CCBE1: variants seen among roughly 807,000 people sequenced by gnomAD.
The protein encoded by CCBE1 is collagen and calcium-binding EGF domain-containing protein 1.
CCBE1 carries 37 observed loss-of-function variants against 50.0 expected under a neutral mutation model. That is an observed-to-expected ratio of 0.74 (90% CI 0.57 to 0.97). The LOEUF (loss-of-function observed/expected upper bound fraction) is 0.97. Ranked by LOEUF, CCBE1 falls within the 50% of genes least tolerant of loss-of-function variation. The pLI is 0.00. For synonymous variants in CCBE1, 234 were observed against 203.7 expected (o/e 1.15, Z -1.27); for missense variants, 538 against 523.8 (o/e 1.03, Z -0.26).
chr18:59,493,138 G>T (rs67471437), intron 2 of CCBE1, among the ~76,000 whole-genome samples: 3,269 of 152,332 alleles, frequency 0.021, 138 homozygotes, highest in East Asian at 0.2. Context: ...TAATGGGACA[G>T]TCTTAAAGGA....
chr18:59,613,483 C>T (rs2851839), intron 2 of CCBE1, among the ~76,000 whole-genome samples: 30,291 of 152,102 alleles, frequency 0.2, 5,058 homozygotes, highest in African/African-American at 0.46. Context: ...AAGCAAATTT[C>T]AAACAATTAT....
At position 59,625,158 on chromosome 18, in the gene CCBE1, G is replaced by T. The variant is rs908155773; in HGVS notation, c.212+71471C>A. Among the ~76,000 whole-genome samples, 41 of 152,190 alleles carry T rather than the reference G, an allele frequency of 2.7e-4. 1 individual carries two copies. The highest frequency in any genetic ancestry group is 2.9e-4 in the Non-Finnish European group (20 of 68,050). Reference sequence around the variant, plus strand: ...TAAAAATTGTAGCCATAGGCCGGGCGTGGTGGCTCCCACCTGTAATCCCAG... The same window carrying T: ...TAAAAATTGTAGCCATAGGCCGGGCTTGGTGGCTCCCACCTGTAATCCCAG... On this transcript the variant is annotated intron_variant, in intron 2 of 10. Transcript: ENST00000439986.
intron 2 of CCBE1, among the ~76,000 whole-genome samples, chr18:59,539,403 C>T (rs1915382031): frequency 6.6e-6 from 1 of 152,108 alleles, no homozygotes; most frequent in South Asian, 2.1e-4. Flanking sequence ...TGAATCCTGC[C>T]AATAACCATA....
At chr18:59,648,158 G>C (rs561680329) in intron 2 of CCBE1, among the ~76,000 whole-genome samples, 8 of 152,378 alleles carry the variant, frequency 5.3e-5, no homozygotes, top group African/African-American at 1.9e-4. Context: ...AATAAGAATA[G>C]CTTGCTGAGC....
At chr18:59,512,995 A>T (rs1464028817) in intron 2 of CCBE1, among the ~76,000 whole-genome samples, 1 of 152,204 alleles carries the variant, frequency 6.6e-6, no homozygotes, top group Non-Finnish European at 1.5e-5. Flanking sequence ...TTCTTAAAGC[A>T]GAGGGTGAGG....
At chr18:59,597,283 T>G (rs1431022166) in intron 2 of CCBE1, among the ~76,000 whole-genome samples, 2 of 152,218 alleles carry the variant, frequency 1.3e-5, no homozygotes, top group Non-Finnish European at 2.9e-5. Context: ...AAAAAGCACT[T>G]TGAATGCCTG....
intron 2 of CCBE1, among the ~76,000 whole-genome samples, chr18:59,504,384 CTTTTT>C (rs10551471): frequency 2.1e-5 from 3 of 143,116 alleles, no homozygotes; most frequent in Non-Finnish European, 3.0e-5. Flanking sequence ...GAATGTCTTC[CTTTTT>C]TTTTTTTTTT....
At chr18:59,498,876 C>T (rs148833388) in intron 2 of CCBE1, among the ~76,000 whole-genome samples, 2,964 of 152,292 alleles carry the variant, frequency 0.019, 87 homozygotes, top group African/African-American at 0.066. Flanking sequence ...ACCCACCTCC[C>T]TCAGATCTTT....
At chr18:59,658,349 AAAAAAATAT>A (rs2054225006) in intron 2 of CCBE1, among the ~76,000 whole-genome samples, 1 of 27,098 alleles carries the variant, frequency 3.7e-5, no homozygotes, top group Non-Finnish European at 6.1e-5. Flanking sequence ...AAAAAAAAAA[AAAAAAATAT>A]ATATATATAT....
In CCBE1 at chr18:59,435,701, A is replaced by T; in HGVS notation, c.*207T>A. The T allele has an allele frequency of 1.6e-6, 1 of 621,034 alleles. No individual in the cohort carries two copies. The highest frequency in any genetic ancestry group is 2.9e-6 in the Non-Finnish European group (1 of 349,490). The allele number at this position is 621,034 out of a possible 1,614,324, so 38.5% of individuals were successfully genotyped here. A position where few individuals can be genotyped will look rare whatever the true frequency, so the allele number is the denominator to read the frequency against. On this transcript the variant is annotated 3_prime_UTR_variant, in exon 11 of 11. Transcript: ENST00000439986. ...CTCTTAGTGAGAAGCAGGTAAATCA[A>T]TCATTCACTCCCTCATGTCTGCAGG... is the stretch of plus-strand genomic sequence containing the variant.
Position 59,432,689 on chromosome 18 carries a change from C to T in CCBE1, c.*3219G>A, listed in dbSNP as rs185694167. On this transcript the variant is annotated 3_prime_UTR_variant, in exon 11 of 11. Coordinates refer to ENST00000439986, the MANE Select transcript of CCBE1 (RefSeq NM_133459.4). ...TCCAGCAGATTGACATTATAAAATA[C>T]AGGTTACCATAAGTTTTGCTGGAGA... is the stretch of plus-strand genomic sequence containing the variant. 3 of 152,254 alleles carry T rather than the reference C, an allele frequency of 2.0e-5. No homozygotes were observed. The highest frequency in any genetic ancestry group is 2.0e-4 in the Admixed American group (3 of 15,300). The allele number at this position is 152,254 out of a possible 1,614,324, so 9.4% of individuals were successfully genotyped here.
Position 59,595,465 on chromosome 18 carries a change from A to G in CCBE1, c.212+101164T>C, listed in dbSNP as rs199701261. Among the ~76,000 whole-genome samples, 45 of 152,314 alleles carry G rather than the reference A, an allele frequency of 3.0e-4. No individual in the cohort carries two copies. In the East Asian group the frequency reaches 7.9e-3, roughly 27 times the overall value. On this transcript the variant is annotated intron_variant, in intron 2 of 10. Transcript: ENST00000439986. ...TCCCTATCAAGATTAACTATAATAA[A>G]TCCAAGAAAACTGCTTGGTACTGAG...
intron 2 of CCBE1, among the ~76,000 whole-genome samples, chr18:59,600,713 C>G (rs2053416914): frequency 6.6e-6 from 1 of 152,192 alleles, no homozygotes; most frequent in Non-Finnish European, 1.5e-5. Flanking sequence ...TCCCCATCTC[C>G]TCCTGCCCAC....
chr18:59,563,692 G>A (rs754922241), intron 2 of CCBE1: 7 of 152,172 alleles, frequency 4.6e-5, no homozygotes, highest in Non-Finnish European at 1.0e-4. Flanking sequence ...ATGCCACTGA[G>A]GTCATAAAAG....
At chr18:59,619,618 A>G (rs935383855) in intron 2 of CCBE1, among the ~76,000 whole-genome samples, 1 of 152,204 alleles carries the variant, frequency 6.6e-6, no homozygotes, top group Non-Finnish European at 1.5e-5. Context: ...AACTGTACTC[A>G]TTTTAGCCAA....
At chr18:59,589,790 C>CAAAAAAAAAAA (rs752546235) in intron 2 of CCBE1, among the ~76,000 whole-genome samples, 3 of 73,104 alleles carry the variant, frequency 4.1e-5, no homozygotes, top group East Asian at 3.5e-4. Context: ...GACTCCATCT[C>CAAAAAAAAAAA]AAAAAAAAAA....
intron 2 of CCBE1, among the ~76,000 whole-genome samples, chr18:59,508,183 G>T (rs1598962923): frequency 6.6e-6 from 1 of 151,754 alleles, no homozygotes; most frequent in Non-Finnish European, 1.5e-5. Flanking sequence ...GAGCCACTGC[G>T]CCCCGCCGTT....
chr18:59,481,107 G>T (rs1412643905), intron 2 of CCBE1, among the ~76,000 whole-genome samples: 1 of 152,092 alleles, frequency 6.6e-6, no homozygotes, highest in Non-Finnish European at 1.5e-5. Flanking sequence ...TACCTGCAAT[G>T]AACAAAACAG....
rs1345086344 is a variant in CCBE1, at chr18:59,612,829, T to G, written c.212+83800A>C. On this transcript the variant is annotated intron_variant, in intron 2 of 10. Coordinates refer to ENST00000439986, the MANE Select transcript of CCBE1 (RefSeq NM_133459.4). ...CAATCTCAAGGGTTTTTTTTTTGTTTTTTTTTGTTTTTGTTTTTGTTTTTT... is the reference window on the plus strand; with the variant it reads ...CAATCTCAAGGGTTTTTTTTTTGTTGTTTTTTGTTTTTGTTTTTGTTTTTT... Among the ~76,000 whole-genome samples, 305 of 112,296 alleles carry G rather than the reference T, an allele frequency of 2.7e-3. 3 individuals are homozygous for G. The highest frequency in any genetic ancestry group is 9.7e-3 in the African/African-American group (293 of 30,066). The allele number at this position is 112,296 out of a possible 152,430, so 73.7% of individuals were successfully genotyped here. A position where few individuals can be genotyped will look rare whatever the true frequency, so the allele number is the denominator to read the frequency against.
Sources: gnomAD v4.1 joint callset for allele counts (sites outside exome capture counted in the v4.1 genomes callset) on GRCh38, gnomAD v4.1.1 for gene constraint, MANE v1.5 for transcripts, NCBI Gene and HGNC (gene_info 2026-07-23, HGNC 2026-07-21) for gene names.